Variants in NCKAP5 observed in about 807,000 individuals in gnomAD.
NCKAP5 encodes NCK associated protein 5.
In NCKAP5, 92 loss-of-function variants were observed where a neutral mutation model predicts 167.0. That is an observed-to-expected ratio of 0.55 (90% confidence interval 0.47 to 0.66). NCKAP5 has a LOEUF of 0.66. NCKAP5 is among the 30% of genes least tolerant of loss of function. NCKAP5 has a pLI of 0.00. For synonymous variants in NCKAP5, 891 were observed against 877.4 expected (o/e 1.02, Z -0.27); for missense variants, 2,378 against 2,315.0 (o/e 1.03, Z -0.56).
In NCKAP5 at chr2:133,161,370, A is replaced by G. The variant is rs566990045; in HGVS notation, c.208-31259T>C. ...GCCAGCACAAACCCTATATATGTTT[A>G]TTGAAAATTAGTCCATCTAAAAATA... On this transcript the variant is annotated intron_variant, in intron 5 of 19. Coordinates refer to ENST00000409261, the MANE Select transcript of NCKAP5 (RefSeq NM_207363.3). Among the ~76,000 whole-genome samples, 3 of 152,330 alleles carry G rather than the reference A, an allele frequency of 2.0e-5. No homozygotes were observed. The East Asian group carries it at 5.8e-4, about 29-fold the overall frequency.
intron 8 of NCKAP5, among the ~76,000 whole-genome samples, chr2:132,887,954 G>T (rs13420567): frequency 3.3e-5 from 5 of 152,110 alleles, no homozygotes; most frequent in Middle Eastern, 6.8e-3. Context: ...TCCTGCATTT[G>T]CTAGTTTGAA....
At chr2:133,120,878 G>C (rs2082228809) in intron 6 of NCKAP5, among the ~76,000 whole-genome samples, 1 of 152,106 alleles carries the variant, frequency 6.6e-6, no homozygotes, top group Non-Finnish European at 1.5e-5. Context: ...TCTTCTATAT[G>C]CTTAACCTAA....
At chr2:132,904,008 G>A (rs567628545) in intron 8 of NCKAP5, among the ~76,000 whole-genome samples, 1 of 152,212 alleles carries the variant, frequency 6.6e-6, no homozygotes, top group South Asian at 2.1e-4. Flanking sequence ...TTTGATAATG[G>A]CCCGGCGCGG....
intron 3 of NCKAP5, among the ~76,000 whole-genome samples, chr2:133,392,853 T>C (rs1687503607): frequency 6.6e-6 from 1 of 152,188 alleles, no homozygotes; most frequent in African/African-American, 2.4e-5. Context: ...ATTCCAAGAA[T>C]GTAGAGGGAT....
intron 9 of NCKAP5, among the ~76,000 whole-genome samples, chr2:132,869,332 A>G (rs1296645163): frequency 6.6e-6 from 1 of 152,166 alleles, no homozygotes; most frequent in Admixed American, 6.5e-5. Context: ...CAGTTTCTAC[A>G]CTTTGCTGAT....
intron 6 of NCKAP5, among the ~76,000 whole-genome samples, chr2:133,021,938 T>C (rs982869489): frequency 3.3e-5 from 5 of 152,174 alleles, no homozygotes; most frequent in African/African-American, 1.2e-4. Flanking sequence ...GCCTAAACTC[T>C]AGTTCTTAAG....
At chr2:133,480,085 C>T (rs1464078113) in intron 3 of NCKAP5, among the ~76,000 whole-genome samples, 2 of 152,106 alleles carry the variant, frequency 1.3e-5, no homozygotes, top group Admixed American at 6.5e-5. Flanking sequence ...GCATGTACCA[C>T]CATGCCCGGC....
chr2:133,274,339 G>A (rs2089643327), intron 4 of NCKAP5, among the ~76,000 whole-genome samples: 1 of 151,998 alleles, frequency 6.6e-6, no homozygotes, highest in African/African-American at 2.4e-5. Flanking sequence ...ACTTAAAGAT[G>A]TGAAACACCT....
At chr2:133,400,395 G>A (rs1181793008) in intron 3 of NCKAP5, among the ~76,000 whole-genome samples, 1 of 152,190 alleles carries the variant, frequency 6.6e-6, no homozygotes, top group East Asian at 1.9e-4. Flanking sequence ...AGGATCTCCA[G>A]ATGAGATCAT....
intron 19 of NCKAP5, among the ~76,000 whole-genome samples, chr2:132,702,001 C>A (rs1452938825): frequency 6.6e-6 from 1 of 152,180 alleles, no homozygotes; most frequent in Admixed American, 6.5e-5. Flanking sequence ...GGATGACTCA[C>A]AATGGCTATA....
At chr2:133,437,727 GCTC>G (rs1446674019) in intron 3 of NCKAP5, among the ~76,000 whole-genome samples, 1 of 152,010 alleles carries the variant, frequency 6.6e-6, no homozygotes, top group Non-Finnish European at 1.5e-5. Flanking sequence ...TGTGAATTTT[GCTC>G]CTCCACTGGG....
the NCKAP5 span, among the ~76,000 whole-genome samples, chr2:133,632,114 C>T: frequency 1.3e-3 from 196 of 152,302 alleles, no homozygotes; most frequent in African/African-American, 4.6e-3. Context: ...GTCCCCCAAG[C>T]TGCAGTGGTG....
At chr2:132,963,591 A>G (rs2076579710) in intron 8 of NCKAP5, 129 bp downstream of exon 8, 3 of 972,202 alleles carry the variant, frequency 3.1e-6, no homozygotes, top group South Asian at 3.4e-5. Context: ...CTCAGCAGGA[A>G]ATCGTAGATC....
intron 19 of NCKAP5, among the ~76,000 whole-genome samples, chr2:132,716,858 G>A (rs115385456): frequency 1.1e-3 from 167 of 152,234 alleles, no homozygotes; most frequent in African/African-American, 3.6e-3. Flanking sequence ...TCACATCACA[G>A]CCTCCCTTTT....
intron 18 of NCKAP5, 34 bp downstream of exon 18, chr2:132,728,782 T>G: frequency 1.2e-6 from 2 of 1,606,932 alleles, no homozygotes; most frequent in Non-Finnish European, 1.7e-6. Context: ...GACCAACAGG[T>G]GGATTGCACC....
intron 6 of NCKAP5, among the ~76,000 whole-genome samples, chr2:133,014,246 A>G (rs1004927661): frequency 6.6e-6 from 1 of 152,138 alleles, no homozygotes; most frequent in Non-Finnish European, 1.5e-5. Flanking sequence ...TTCCTCATGT[A>G]CTATATGTGC....
At chr2:133,205,114 C>G (rs992203000) in intron 5 of NCKAP5, among the ~76,000 whole-genome samples, 1 of 151,906 alleles carries the variant, frequency 6.6e-6, no homozygotes, top group Non-Finnish European at 1.5e-5. Context: ...CATGGTGAAA[C>G]CTTATCTCTA....
chr2:133,031,911 A>G lies in NCKAP5; in HGVS notation c.342-37672T>C, dbSNP rs180783685. On this transcript the variant is annotated intron_variant, in intron 6 of 19. Coordinates refer to ENST00000409261, the MANE Select transcript of NCKAP5 (RefSeq NM_207363.3). Reference sequence around the variant, plus strand: ...AAGAAAAGGACCCAGTCTTGGCAGCATTCCTCATTTGTTAACTGAAAAGTC... The same window carrying G: ...AAGAAAAGGACCCAGTCTTGGCAGCGTTCCTCATTTGTTAACTGAAAAGTC... Among the ~76,000 whole-genome samples the G allele has an allele frequency of 4.6e-5, 7 of 152,174 alleles. No homozygotes were observed. The East Asian group carries it at 1.4e-3, about 30-fold the overall frequency.
intron 3 of NCKAP5, among the ~76,000 whole-genome samples, chr2:133,402,618 T>C (rs1236514793): frequency 6.6e-6 from 1 of 152,090 alleles, no homozygotes; most frequent in Admixed American, 6.5e-5. Context: ...CTCACGATAA[T>C]GAGTGAGTTC....
Sources: allele counts gnomAD v4.1 joint callset (sites outside exome capture counted in the v4.1 genomes callset), GRCh38; gene constraint gnomAD v4.1.1; transcripts MANE v1.5; gene names NCBI Gene and HGNC (gene_info 2026-07-23, HGNC 2026-07-21).